The following PLD5 variants were observed in gnomAD, a reference collection of about 807,000 sequenced individuals.
PLD5 encodes inactive phospholipase D5.
PLD5 carries 36 observed loss-of-function variants against 61.1 expected under a neutral mutation model. The ratio of observed to expected loss-of-function variants is 0.59; its 90% CI spans 0.45 to 0.78. The LOEUF (loss-of-function observed/expected upper bound fraction) is 0.78, where lower values mean the gene tolerates loss of function less well. Ranked by LOEUF, PLD5 falls within the 30% of genes least tolerant of loss-of-function variation. PLD5 has a pLI of 0.00. For synonymous variants in PLD5, 243 were observed against 242.8 expected, an observed-to-expected ratio of 1.00 and a Z score of -0.01; for missense variants, 515 against 644.4, an observed-to-expected ratio of 0.80 and a Z score of 2.17.
intron 5 of PLD5, among the ~76,000 whole-genome samples, chr1:242,132,263 T>G: frequency 7.9e-6 from 1 of 126,106 alleles, no homozygotes; most frequent in East Asian, 2.3e-4. Context: ...CAGAGTTTGG[T>G]GGGTTTTATT....
At chr1:242,330,510 C>T (rs1659102103) in intron 2 of PLD5, among the ~76,000 whole-genome samples, 1 of 152,210 alleles carries the variant, frequency 6.6e-6, no homozygotes. Flanking sequence ...GGACATCCCT[C>T]ACTGTAGCAT....
intron 1 of PLD5, among the ~76,000 whole-genome samples, chr1:242,479,749 C>A (rs1052011787): frequency 1.3e-5 from 2 of 151,900 alleles, no homozygotes; most frequent in African/African-American, 4.8e-5. Flanking sequence ...AGATAGAAAG[C>A]TTACATAATC....
At chr1:242,458,995 G>A (rs1440536748) in intron 1 of PLD5, among the ~76,000 whole-genome samples, 1 of 152,098 alleles carries the variant, frequency 6.6e-6, no homozygotes, top group Admixed American at 6.5e-5. Context: ...CATTACATCA[G>A]TCTATTCAAA....
intron 1 of PLD5, among the ~76,000 whole-genome samples, chr1:242,518,837 G>T (rs142887988): frequency 2.0e-5 from 3 of 152,288 alleles, no homozygotes; most frequent in Non-Finnish European, 4.4e-5. Context: ...AAAAGACACT[G>T]CAATGTCAAC....
chr1:242,320,354 A>C (rs1273155004), intron 2 of PLD5, among the ~76,000 whole-genome samples: 1 of 152,230 alleles, frequency 6.6e-6, no homozygotes, highest in African/African-American at 2.4e-5. Flanking sequence ...CCTCCTGATG[A>C]AAATGGAAGC....
At chr1:242,347,583 T>C (rs1312891268) in intron 2 of PLD5, among the ~76,000 whole-genome samples, 2 of 152,004 alleles carry the variant, frequency 1.3e-5, no homozygotes, top group East Asian at 3.9e-4. Flanking sequence ...ACATAATGCA[T>C]ACATAAACCT....
intron 1 of PLD5, among the ~76,000 whole-genome samples, chr1:242,385,530 G>C (rs532458073): frequency 1.3e-5 from 2 of 152,068 alleles, no homozygotes; most frequent in African/African-American, 4.8e-5. Context: ...TGGGGCCTTC[G>C]CAGCCTCCAT....
rs372764646 is a variant in PLD5, at chr1:242,163,288, C to T, written c.736-38623G>A. Among the ~76,000 whole-genome samples the T allele has an allele frequency of 6.8e-4, 103 of 152,002 alleles. 2 individuals carry two copies. The South Asian group carries it at 0.016, about 23-fold the overall frequency. On this transcript the variant is annotated intron_variant, in intron 5 of 9. Coordinates refer to ENST00000536534, the MANE Select transcript of PLD5 (RefSeq NM_001372062.1). ...CCTCCCGAGTAGCTGGGACTACAGG[C>T]GCCCGCCACCACGCCCGGCTAATTT...
At chr1:242,119,110 T>A (rs931919169) in intron 6 of PLD5, among the ~76,000 whole-genome samples, 2 of 152,200 alleles carry the variant, frequency 1.3e-5, no homozygotes, top group Non-Finnish European at 2.9e-5. Flanking sequence ...TCAAGAGCTC[T>A]TGAGGGACCT....
In PLD5 at chr1:242,327,164, G is replaced by A. The variant is rs576390514; in HGVS notation, c.326+20942C>T. 2.6e-4 allele frequency among the ~76,000 whole-genome samples: 39 copies of A among 149,086 alleles called. No homozygotes were observed. In the East Asian group the frequency reaches 6.4e-3, roughly 24 times the overall value. Reference sequence around the variant, plus strand: ...ACAAGCGTGAGCCACCACGCCTGGCGCTAATTTTTTTTTTTAATTGTTTGT... The same window carrying A: ...ACAAGCGTGAGCCACCACGCCTGGCACTAATTTTTTTTTTTAATTGTTTGT... On this transcript the variant is annotated intron_variant, in intron 2 of 9. Transcript: ENST00000536534.
chr1:242,384,664 T>C (rs1334965637), intron 1 of PLD5, among the ~76,000 whole-genome samples: 2 of 152,196 alleles, frequency 1.3e-5, no homozygotes, highest in Admixed American at 6.5e-5. Context: ...GTAGCAAGCG[T>C]TTTGTGAAAT....
intron 8 of PLD5, 41 bp downstream of exon 8, chr1:242,107,630 A>G (rs1294411697): frequency 1.1e-5 from 17 of 1,516,408 alleles, no homozygotes; most frequent in Non-Finnish European, 1.5e-5. Context: ...TGCAGAGGGC[A>G]TTCACTTTTT....
intron 1 of PLD5, among the ~76,000 whole-genome samples, chr1:242,460,327 C>G (rs1049964375): frequency 6.6e-6 from 1 of 152,130 alleles, no homozygotes; most frequent in East Asian, 1.9e-4. Flanking sequence ...TGGTGACCCC[C>G]CTGGACCCAG....
intron 5 of PLD5, among the ~76,000 whole-genome samples, chr1:242,129,492 C>T (rs1898153): frequency 0.38 from 58,444 of 152,014 alleles, 11,994 homozygotes; most frequent in East Asian, 0.61. Flanking sequence ...CTTTTTCGCC[C>T]ACAGCAAGAA....
intron 1 of PLD5, among the ~76,000 whole-genome samples, chr1:242,521,670 T>TTAATTATTAATTTATTTTTTC (rs1553272524): frequency 2.0e-5 from 3 of 152,180 alleles, no homozygotes; most frequent in South Asian, 2.1e-4. Context: ...TCCATTTGAT[T>TTAATTATTAATTTATTTTTTC]AGACAGACCA....
At position 242,515,829 on chromosome 1, in the gene PLD5, A is replaced by G. The variant is rs142482697; in HGVS notation, c.189+8259T>C. 2.8e-3 allele frequency among the ~76,000 whole-genome samples: 422 copies of G among 152,350 alleles called. 2 individuals carry two copies. The highest frequency in any genetic ancestry group is 9.8e-3 in the African/African-American group (408 of 41,584). ...TATATACATAGAATTTAAATTTTATAGGTCAAAATATCAAAAGATGTGTTT... is the reference window on the plus strand; with the variant it reads ...TATATACATAGAATTTAAATTTTATGGGTCAAAATATCAAAAGATGTGTTT... On this transcript the variant is annotated intron_variant, in intron 1 of 9. Coordinates refer to ENST00000536534, the MANE Select transcript of PLD5 (RefSeq NM_001372062.1).
chr1:242,490,774 G>A (rs913290541), intron 1 of PLD5, among the ~76,000 whole-genome samples: 6 of 152,104 alleles, frequency 3.9e-5, no homozygotes, highest in South Asian at 2.1e-4. Flanking sequence ...CTACCGCTAC[G>A]TCATACCCTA....
chr1:242,141,403 C>G (rs1664160890), intron 5 of PLD5, among the ~76,000 whole-genome samples: 1 of 96,080 alleles, frequency 1.0e-5, no homozygotes, highest in African/African-American at 3.8e-5. Context: ...TGGTTCTCCA[C>G]TCCTCCTACT....
intron 6 of PLD5, among the ~76,000 whole-genome samples, chr1:242,115,784 C>T (rs150644413): frequency 2.0e-5 from 3 of 152,040 alleles, no homozygotes; most frequent in East Asian, 3.9e-4. Flanking sequence ...TATTAAGATG[C>T]CGAAATTCAG....
Sources: gnomAD v4.1 joint callset for allele counts (sites outside exome capture counted in the v4.1 genomes callset) on GRCh38, gnomAD v4.1.1 for gene constraint, MANE v1.5 for transcripts, NCBI Gene and HGNC (gene_info 2026-07-23, HGNC 2026-07-21) for gene names.